The following PDE3A variants were observed in gnomAD, a reference collection of about 807,000 sequenced individuals.
The protein encoded by PDE3A is cGMP-inhibited 3',5'-cyclic phosphodiesterase 3A.
Under a neutral mutation model 98.3 loss-of-function variants are expected in PDE3A, and 43 were observed. The ratio of observed to expected loss-of-function variants is 0.44; its 90% CI spans 0.34 to 0.56. The LOEUF (loss-of-function observed/expected upper bound fraction) is 0.56, where lower values mean the gene tolerates loss of function less well. Among genes scored for constraint, PDE3A ranks in the 20% least tolerant of loss-of-function variants. The pLI, the probability that PDE3A is intolerant of heterozygous loss-of-function variation, is 0.01. For missense variants in PDE3A, 1,427 were observed against 1,440.7 expected (o/e 0.99, Z 0.15); for synonymous variants, 663 against 567.9 (o/e 1.17, Z -2.38).
chr12:20,391,223 G>GT (rs1943908040), intron 1 of PDE3A, among the ~76,000 whole-genome samples: 1 of 151,358 alleles, frequency 6.6e-6, no homozygotes, highest in Non-Finnish European at 1.5e-5. Context: ...CCACTTTGAT[G>GT]TTTTTCTTGG....
Position 20,680,318 on chromosome 12 carries a change from G to T in PDE3A, c.*47G>T. On this transcript the variant is annotated 3_prime_UTR_variant, in exon 16 of 16. Transcript: ENST00000359062. ...TTTCCAAACAGATTGACTTGTCAAA[G>T]ACTCTCTTCAAGCCAGCACAACATT... 1.3e-6 allele frequency: 2 copies of T among 1,598,760 alleles called. No homozygotes were observed. Among genetic ancestry groups the T allele is most frequent in the Non-Finnish European group, 1.7e-6 (2 of 1,169,202 alleles).
intron 1 of PDE3A, among the ~76,000 whole-genome samples, chr12:20,471,933 G>A (rs2120970034): frequency 6.6e-6 from 1 of 152,260 alleles, no homozygotes; most frequent in Middle Eastern, 3.4e-3. Flanking sequence ...AACCAGCGTG[G>A]CATTGACGCG....
At chr12:20,624,087 A>G (rs1432058870) in intron 5 of PDE3A, among the ~76,000 whole-genome samples, 4 of 152,140 alleles carry the variant, frequency 2.6e-5, no homozygotes, top group South Asian at 4.1e-4. Context: ...AGATGAGGAA[A>G]CTGAGGGAAA....
chr12:20,552,352 G>C lies in PDE3A; in HGVS notation c.961-4308G>C. The C allele has an allele frequency of 6.2e-7, 1 of 1,613,860 alleles. No homozygotes were observed. Among genetic ancestry groups the C allele is most frequent in the Non-Finnish European group, 8.5e-7 (1 of 1,179,866 alleles). Reference sequence around the variant, plus strand: ...CGAGAAGGGGAAGTCCGGGTTTCTCGTGTGGCGCTACCTTCTGCGGAGGGA... The same window carrying C: ...CGAGAAGGGGAAGTCCGGGTTTCTCCTGTGGCGCTACCTTCTGCGGAGGGA... On this transcript the variant is annotated intron_variant, in intron 1 of 15. Coordinates refer to ENST00000359062, the MANE Select transcript of PDE3A (RefSeq NM_000921.5). The surrounding 1 kb of genome is among the most constrained non-coding windows in gnomAD (Gnocchi z 5.1).
intron 1 of PDE3A, among the ~76,000 whole-genome samples, chr12:20,458,318 T>G (rs1945188023): frequency 6.6e-6 from 1 of 152,060 alleles, no homozygotes; most frequent in African/African-American, 2.4e-5. Flanking sequence ...ATTTCCTTGT[T>G]TTTTCAAGAA....
chr12:20,449,893 C>A (rs61584046), intron 1 of PDE3A: 223,089 of 725,266 alleles, frequency 0.31, 54,839 homozygotes, highest in Admixed American at 0.38. Context: ...TTTAAGTGTG[C>A]TCTTCGGTGG....
chr12:20,590,103 C>T (rs1239213191), intron 2 of PDE3A, among the ~76,000 whole-genome samples: 2 of 151,878 alleles, frequency 1.3e-5, no homozygotes, highest in Non-Finnish European at 2.9e-5. Flanking sequence ...CTCTATTACG[C>T]AGCATATAAA....
In PDE3A at chr12:20,385,996, AT is replaced by A. The variant is rs1451467070; in HGVS notation, c.960+15753del. Reference sequence around the variant, plus strand: ...ATTATTAATATATAATATATATAAAATATATATATAAATATATATAAAATAT... The same window carrying A: ...ATTATTAATATATAATATATATAAAAATATATATAAATATATATAAAATAT... On this transcript the variant is annotated intron_variant, in intron 1 of 15. Transcript: ENST00000359062. Among the ~76,000 whole-genome samples the A allele has an allele frequency of 1.0e-4, 11 of 105,930 alleles. 1 individual carries two copies. Among genetic ancestry groups the A allele is most frequent in the African/African-American group, 4.8e-4 (11 of 22,754 alleles). The allele number at this position is 105,930 out of a possible 152,430, so 69.5% of individuals were successfully genotyped here. A position where few individuals can be genotyped will look rare whatever the true frequency, so the allele number is the denominator to read the frequency against.
At chr12:20,525,080 C>T (rs1946491781) in intron 1 of PDE3A, among the ~76,000 whole-genome samples, 1 of 151,998 alleles carries the variant, frequency 6.6e-6, no homozygotes, top group South Asian at 2.1e-4. Context: ...TGTGGTGAGC[C>T]GAGATCCACC....
At chr12:20,380,931 A>G (rs530467778) in intron 1 of PDE3A, among the ~76,000 whole-genome samples, 2 of 151,944 alleles carry the variant, frequency 1.3e-5, no homozygotes, top group Non-Finnish European at 2.9e-5. Context: ...CTTTGTTTGC[A>G]TTTTGAGACA....
chr12:20,553,122 G>C, intron 1 of PDE3A: 1 of 768,338 alleles, frequency 1.3e-6, no homozygotes, highest in Non-Finnish European at 2.0e-6. Flanking sequence ...TGTTTCCTCC[G>C]TTCCCTAAAA....
At chr12:20,571,080 T>A (rs933311097) in intron 2 of PDE3A, among the ~76,000 whole-genome samples, 1 of 152,190 alleles carries the variant, frequency 6.6e-6, no homozygotes, top group Non-Finnish European at 1.5e-5. Context: ...GATGATTGGA[T>A]TTCGGTACTT....
At chr12:20,449,443 C>T (rs1002410735) in intron 1 of PDE3A, among the ~76,000 whole-genome samples, 5 of 151,994 alleles carry the variant, frequency 3.3e-5, no homozygotes, top group Non-Finnish European at 7.4e-5. Context: ...TTTTTTAGAA[C>T]ATCTTAAATT....
chr12:20,585,056 G>C (rs1484556118), intron 2 of PDE3A, among the ~76,000 whole-genome samples: 1 of 152,040 alleles, frequency 6.6e-6, no homozygotes, highest in Non-Finnish European at 1.5e-5. Flanking sequence ...CCTCAATCTT[G>C]TTCTTTCTCT....
At chr12:20,392,449 G>A (rs932144556) in intron 1 of PDE3A, among the ~76,000 whole-genome samples, 21 of 151,818 alleles carry the variant, frequency 1.4e-4, no homozygotes, top group African/African-American at 5.1e-4. Context: ...GGGGTGGGAG[G>A]ATTGTTTGAG....
chr12:20,378,471 G>A (rs767424389), intron 1 of PDE3A, among the ~76,000 whole-genome samples: 17 of 151,580 alleles, frequency 1.1e-4, no homozygotes, highest in Non-Finnish European at 2.2e-4. Flanking sequence ...TTTAGTGATT[G>A]GGACAGGGTA....
Position 20,685,681 on chromosome 12 carries a change from A to G in PDE3A, c.*5410A>G, listed in dbSNP as rs891216711. On this transcript the variant is annotated 3_prime_UTR_variant, in exon 16 of 16. Coordinates refer to ENST00000359062, the MANE Select transcript of PDE3A (RefSeq NM_000921.5). ...AGCTAGTTTTTCTCCACATGTTTTT[A>G]AGGTTGATTTCCTTGACACACATTG... 2.6e-5 allele frequency among the ~76,000 whole-genome samples: 4 copies of G among 152,164 alleles called. No individual in the cohort carries two copies. Among genetic ancestry groups the G allele is most frequent in the African/African-American group, 9.7e-5 (4 of 41,446 alleles).
Position 20,621,318 on chromosome 12 carries a change from G to A in PDE3A, c.1447G>A (p.Val483Met). 1 of 1,596,824 alleles carries A rather than the reference G, an allele frequency of 6.3e-7. No individual in the cohort carries two copies. The highest frequency in any genetic ancestry group is 1.1e-5 in the South Asian group (1 of 90,700). The change falls in exon 5 of 16, where the codon GTG (valine) becomes ATG (methionine). Residue 483 changes from valine to methionine, a missense_variant. Val to Met is a conservative substitution (Grantham distance 21). Transcript: ENST00000359062. Reference protein sequence around the residue: ...SSSPDSWNNPVMMTLTKSRSF... With the variant: ...SSSPDSWNNPMMMTLTKSRSF... ...TAGTCCTGATTCTTGGAATAATCCA[G>A]TGATGATGACCCTCACCAAAAGCAG... is the stretch of plus-strand genomic sequence containing the variant.
At chr12:20,431,045 G>C (rs1944688072) in intron 1 of PDE3A, among the ~76,000 whole-genome samples, 1 of 152,058 alleles carries the variant, frequency 6.6e-6, no homozygotes, top group African/African-American at 2.4e-5. Flanking sequence ...TATCCACCTA[G>C]TTCTGAGAGA....
Sources: allele counts gnomAD v4.1 joint callset (sites outside exome capture counted in the v4.1 genomes callset), GRCh38; gene constraint gnomAD v4.1.1; non-coding constraint Gnocchi (gnomAD v3.1); transcripts MANE v1.5; gene names NCBI Gene and HGNC (gene_info 2026-07-23, HGNC 2026-07-21).